The following HTR1F variants were observed in gnomAD, a reference collection of about 807,000 sequenced individuals.
HTR1F encodes 5-hydroxytryptamine receptor 1F.
A neutral mutation model predicts 24.0 loss-of-function variants in HTR1F; 17 were observed. The observed-to-expected ratio is 0.71, with a 90% CI of 0.48 to 1.06. The LOEUF (loss-of-function observed/expected upper bound fraction) is 1.06. Ranked by LOEUF, HTR1F falls within the 50% of genes least tolerant of loss-of-function variation. HTR1F has a pLI of 0.00. For missense variants in HTR1F, 391 were observed against 427.8 expected (o/e 0.91, Z 0.76); for synonymous variants, 186 against 156.8 (o/e 1.19, Z -1.39).
intron 2 of HTR1F, among the ~76,000 whole-genome samples, chr3:87,911,361 C>T (rs1703775720): frequency 6.6e-6 from 1 of 151,824 alleles, no homozygotes; most frequent in Non-Finnish European, 1.5e-5. Flanking sequence ...ATCTAGAAAA[C>T]CTAGAAAAGA....
rs754250380 is a variant in HTR1F, at chr3:87,991,330, T to G, written c.581T>G (p.Leu194Arg). The G allele has an allele frequency of 6.2e-7, 1 of 1,613,860 alleles. No individual in the cohort carries two copies. Among genetic ancestry groups the G allele is most frequent in the African/African-American group, 1.3e-5 (1 of 74,936 alleles). ...ACATTTGGAGCTTTCTACATCCCAC[T>G]GGCATTGATTTTGATCCTTTACTAC... ...YSTFGAFYIP[L>R]ALILILYYKI... is the part of the protein sequence containing the mutation. Residue 194 changes from leucine to arginine, a missense_variant, in exon 3 of 3, where the codon CTG (leucine) becomes CGG (arginine). Coordinates refer to ENST00000319595, the MANE Select transcript of HTR1F (RefSeq NM_001322209.2).
At chr3:87,974,766 T>C (rs1705359492) in intron 2 of HTR1F, among the ~76,000 whole-genome samples, 3 of 152,208 alleles carry the variant, frequency 2.0e-5, no homozygotes, top group African/African-American at 7.2e-5. Flanking sequence ...ATATTCTTCC[T>C]GATTGCATGA....
At chr3:87,888,311 G>A (rs1706003400) in intron 2 of HTR1F, among the ~76,000 whole-genome samples, 1 of 152,100 alleles carries the variant, frequency 6.6e-6, no homozygotes, top group Non-Finnish European at 1.5e-5. Flanking sequence ...ACACACCGGG[G>A]CCTGTTGTAG....
chr3:87,890,279 T>C (rs1401194153), intron 2 of HTR1F, among the ~76,000 whole-genome samples: 1 of 152,198 alleles, frequency 6.6e-6, no homozygotes, highest in Non-Finnish European at 1.5e-5. Flanking sequence ...TGCATATATA[T>C]GTTTGTACTT....
At chr3:87,968,207 C>T (rs1227378817) in intron 2 of HTR1F, among the ~76,000 whole-genome samples, 1 of 151,912 alleles carries the variant, frequency 6.6e-6, no homozygotes, top group African/African-American at 2.4e-5. Context: ...GGGCATCTAG[C>T]AGAAGAAATT....
chr3:87,860,504 C>T (rs2919237), intron 2 of HTR1F, among the ~76,000 whole-genome samples: 9,037 of 152,156 alleles, frequency 0.059, 825 homozygotes, highest in African/African-American at 0.2. Context: ...CACATTTTTT[C>T]CCTATGAATT....
rs1260821785 is a variant in HTR1F, at chr3:87,987,756, TTA to T, written c.-42-2944_-42-2943del. Among the ~76,000 whole-genome samples, 78 of 136,852 alleles carry T rather than the reference TTA, an allele frequency of 5.7e-4. 1 individual carries two copies. The highest frequency in any genetic ancestry group is 7.4e-4 in the Non-Finnish European group (48 of 64,828). The allele number at this position is 136,852 out of a possible 152,430, so 89.8% of individuals were successfully genotyped here. On this transcript the variant is annotated intron_variant, in intron 2 of 2. Transcript: ENST00000319595. ...ATTTTATATATATAAAATATATGTA[TTA>T]TATATATGTATTTTATATATGTATT...
At chr3:87,885,118 G>A (rs1318704943) in intron 2 of HTR1F, among the ~76,000 whole-genome samples, 2 of 152,078 alleles carry the variant, frequency 1.3e-5, no homozygotes, top group Admixed American at 6.6e-5. Context: ...AAATGTAAAA[G>A]AATAGAAATC....
chr3:87,951,825 C>CCTCTATACTCTGCCTCTATACT (rs1704840667), intron 2 of HTR1F, among the ~76,000 whole-genome samples: 1 of 151,960 alleles, frequency 6.6e-6, no homozygotes. Flanking sequence ...CTATACTCTG[C>CCTCTATACTCTGCCTCTATACT]CTGTTCATCT....
At chr3:87,844,847 G>A (rs1200544611) in intron 2 of HTR1F, among the ~76,000 whole-genome samples, 3 of 150,404 alleles carry the variant, frequency 2.0e-5, no homozygotes, top group Admixed American at 6.6e-5. Flanking sequence ...GTAGATATGC[G>A]GCGTTATTTC....
intron 2 of HTR1F, among the ~76,000 whole-genome samples, chr3:87,877,390 A>G (rs1705693324): frequency 6.6e-6 from 1 of 152,104 alleles, no homozygotes; most frequent in South Asian, 2.1e-4. Flanking sequence ...AAAATTGATT[A>G]GGCACCCACT....
intron 2 of HTR1F, among the ~76,000 whole-genome samples, chr3:87,941,873 T>C (rs1329631673): frequency 1.3e-5 from 2 of 151,986 alleles, no homozygotes; most frequent in Non-Finnish European, 2.9e-5. Context: ...CCACTGTCCA[T>C]TGGGTTTCTG....
At chr3:87,976,739 C>G (rs1339683962) in intron 2 of HTR1F, among the ~76,000 whole-genome samples, 1 of 152,156 alleles carries the variant, frequency 6.6e-6, no homozygotes, top group Non-Finnish European at 1.5e-5. Context: ...GCTAACTTTA[C>G]AAACAAAAGT....
chr3:87,899,282 G>A (rs1011198864), intron 2 of HTR1F, among the ~76,000 whole-genome samples: 9 of 152,144 alleles, frequency 5.9e-5, no homozygotes, highest in African/African-American at 2.2e-4. Flanking sequence ...TTTATACACT[G>A]TGGTATATTT....
At chr3:87,831,475 A>G (rs769636985) in intron 2 of HTR1F, among the ~76,000 whole-genome samples, 36 of 151,204 alleles carry the variant, frequency 2.4e-4, no homozygotes, top group Non-Finnish European at 4.0e-4. Context: ...CCATTCTCCT[A>G]CCTCAGCCTC....
In HTR1F at chr3:87,957,818, A is replaced by T. The variant is rs1214739177; in HGVS notation, c.-42-32890A>T. 5.3e-5 allele frequency among the ~76,000 whole-genome samples: 8 copies of T among 151,410 alleles called. No homozygotes were observed. In the East Asian group the frequency reaches 5.8e-4, roughly 11 times the overall value. ...TCTAATTACTGATTAAAAGTAATTA[A>T]AATTAAAAGTAATTCCATTACTTTT... On this transcript the variant is annotated intron_variant, in intron 2 of 2. Transcript: ENST00000319595.
In HTR1F at chr3:87,792,852, C is replaced by T. The variant is rs922999041; in HGVS notation, c.-160+10C>T. Among the ~76,000 whole-genome samples, 1 of 152,158 alleles carries T rather than the reference C, an allele frequency of 6.6e-6. No individual in the cohort carries two copies. The highest frequency in any genetic ancestry group is 2.4e-5 in the African/African-American group (1 of 41,444). ...GCAGGGAGCGCCAGGGGTGAGTGTGCGGATCAGCGCTGAGCCCGGGAGTGC... is the reference window on the plus strand; with the variant it reads ...GCAGGGAGCGCCAGGGGTGAGTGTGTGGATCAGCGCTGAGCCCGGGAGTGC... On this transcript the variant is annotated intron_variant, in intron 1 of 2. Coordinates refer to ENST00000319595, the MANE Select transcript of HTR1F (RefSeq NM_001322209.2).
At chr3:87,813,490 C>T (rs1222011198) in intron 1 of HTR1F, among the ~76,000 whole-genome samples, 1 of 152,128 alleles carries the variant, frequency 6.6e-6, no homozygotes, top group Non-Finnish European at 1.5e-5. Context: ...TCAGGTGAGA[C>T]TTTGGACTGT....
rs544206537 is a variant in HTR1F, at chr3:87,993,681, T to A, written c.*1831T>A. 3.0e-5 allele frequency: 5 copies of A among 166,978 alleles called. No homozygotes were observed. The East Asian group carries it at 5.8e-4, about 19-fold the overall frequency. The allele number at this position is 166,978 out of a possible 1,614,324, so 10.3% of individuals were successfully genotyped here. A position where few individuals can be genotyped will look rare whatever the true frequency, so the allele number is the denominator to read the frequency against. On this transcript the variant is annotated 3_prime_UTR_variant, in exon 3 of 3. Transcript: ENST00000319595. ...TGAGTTTGGCAACTATTTAGAGCAA[T>A]AGAGGAAAAGGATATTAAAAGAAAA...
Sources: gnomAD v4.1 joint callset for allele counts (sites outside exome capture counted in the v4.1 genomes callset) on GRCh38, gnomAD v4.1.1 for gene constraint, MANE v1.5 for transcripts, NCBI Gene and HGNC (gene_info 2026-07-23, HGNC 2026-07-21) for gene names.